Variants in MAPK4 observed in about 807,000 individuals in gnomAD.
MAPK4 encodes the protein Erk3-related.
Under a neutral mutation model 47.7 loss-of-function variants are expected in MAPK4, and 22 were observed. That is an observed-to-expected ratio of 0.46 (90% confidence interval 0.33 to 0.66). The LOEUF is 0.66. MAPK4 is among the 30% of genes least tolerant of loss of function. MAPK4 has a pLI of 0.02. For synonymous variants in MAPK4, 390 were observed against 365.7 expected (o/e 1.07, Z -0.76); for missense variants, 736 against 831.7 (o/e 0.88, Z 1.42).
chr18:50,671,327 A>G (rs1262741218), intron 2 of MAPK4, among the ~76,000 whole-genome samples: 1 of 152,240 alleles, frequency 6.6e-6, no homozygotes, highest in African/African-American at 2.4e-5. Context: ...TTTAACAATT[A>G]GGTGATACGA....
chr18:50,563,831 T>C (rs1037507997), intron 1 of MAPK4, among the ~76,000 whole-genome samples: 1 of 152,200 alleles, frequency 6.6e-6, no homozygotes, highest in African/African-American at 2.4e-5. Context: ...GTATGCAAAC[T>C]GGTCTCAGGG....
chr18:50,579,613 G>A (rs183912278), intron 1 of MAPK4, among the ~76,000 whole-genome samples: 18 of 152,238 alleles, frequency 1.2e-4, no homozygotes, highest in Non-Finnish European at 2.4e-4. Context: ...TAAAAGCCCT[G>A]AGTCATAGCC....
chr18:50,665,140 C>T (rs759255056), intron 2 of MAPK4, among the ~76,000 whole-genome samples: 9 of 152,208 alleles, frequency 5.9e-5, no homozygotes, highest in African/African-American at 1.7e-4. Flanking sequence ...TGCGATTCCC[C>T]GTGGTGGGTG....
chr18:50,628,699 C>G (rs1195193071), intron 1 of MAPK4, among the ~76,000 whole-genome samples: 2 of 152,230 alleles, frequency 1.3e-5, no homozygotes, highest in Non-Finnish European at 2.9e-5. Context: ...GAGCCAGGAT[C>G]TTCTGATAGC....
intron 1 of MAPK4, among the ~76,000 whole-genome samples, chr18:50,645,222 T>C (rs2042977647): frequency 6.6e-6 from 1 of 152,056 alleles, no homozygotes; most frequent in South Asian, 2.1e-4. Context: ...ATAGGAGAGA[T>C]GAATGCCAAT....
rs187433985 is a variant in MAPK4, at chr18:50,576,555, G to A, written c.-871+16312G>A. ...AGGTTCTATGCTTATTATGTGGGTG[G>A]CAAAATAATCTGTACACCAAACTTC... On this transcript the variant is annotated intron_variant, in intron 1 of 5. Transcript: ENST00000400384. Among the ~76,000 whole-genome samples the A allele has an allele frequency of 2.0e-5, 3 of 152,188 alleles. No homozygotes were observed. In the East Asian group the frequency reaches 5.8e-4, roughly 29 times the overall value.
At chr18:50,591,888 G>A (rs188167240) in intron 1 of MAPK4, among the ~76,000 whole-genome samples, 81 of 152,188 alleles carry the variant, frequency 5.3e-4, no homozygotes, top group African/African-American at 1.8e-3. Context: ...AGGGCCCGCC[G>A]GGTTCATCAT....
intron 1 of MAPK4, among the ~76,000 whole-genome samples, chr18:50,569,836 G>T (rs2042234434): frequency 6.6e-6 from 1 of 152,202 alleles, no homozygotes. Context: ...CCGTCAATAC[G>T]CTGCTCAGCT....
intron 4 of MAPK4, 143 bp downstream of exon 4, chr18:50,722,242 G>T: frequency 1.1e-6 from 1 of 921,954 alleles, no homozygotes; most frequent in African/African-American, 1.7e-5. Flanking sequence ...CTGCCAGTGG[G>T]CCTTTGCCCT....
At chr18:50,673,559 G>C (rs1190613779) in intron 2 of MAPK4, among the ~76,000 whole-genome samples, 3 of 152,066 alleles carry the variant, frequency 2.0e-5, no homozygotes, top group Admixed American at 6.5e-5. Flanking sequence ...TTCCCTGGGT[G>C]TAAAATGCTG....
At chr18:50,561,100 A>G (rs868191458) in intron 1 of MAPK4, among the ~76,000 whole-genome samples, 16 of 152,330 alleles carry the variant, frequency 1.1e-4, no homozygotes, top group African/African-American at 3.8e-4. Flanking sequence ...TGGGGAATGG[A>G]TTCCGATCGC....
rs140886242 is a variant in MAPK4, at chr18:50,675,680, C to T, written c.546+11176C>T. On this transcript the variant is annotated intron_variant, in intron 2 of 5. Coordinates refer to ENST00000400384, the MANE Select transcript of MAPK4 (RefSeq NM_002747.4). ...CTAATTTTTATATTTTTAGTAGAGG[C>T]GGGGTTTCATCATGTTGGCCAGGAT... Among the ~76,000 whole-genome samples, 1,126 of 152,132 alleles carry T rather than the reference C, an allele frequency of 7.4e-3. 17 individuals carry two copies. Among genetic ancestry groups the T allele is most frequent in the African/African-American group, 0.026 (1,087 of 41,514 alleles).
intron 1 of MAPK4, among the ~76,000 whole-genome samples, chr18:50,650,927 G>A (rs760029557): frequency 7.2e-5 from 11 of 152,182 alleles, no homozygotes; most frequent in Admixed American, 1.3e-4. Flanking sequence ...CTCACCTGAC[G>A]TAGGATGCCC....
intron 5 of MAPK4, among the ~76,000 whole-genome samples, chr18:50,727,882 A>C (rs1241434264): frequency 6.6e-6 from 1 of 152,202 alleles, no homozygotes; most frequent in Non-Finnish European, 1.5e-5. Flanking sequence ...TGCTATGAAG[A>C]CTACAGATAA....
intron 1 of MAPK4, among the ~76,000 whole-genome samples, chr18:50,589,459 G>A (rs940682316): frequency 6.6e-6 from 1 of 152,162 alleles, no homozygotes; most frequent in Admixed American, 6.5e-5. Context: ...AGCCGAGCGT[G>A]GTGGCGGGCG....
chr18:50,566,375 T>C (rs375476395), intron 1 of MAPK4, among the ~76,000 whole-genome samples: 1 of 152,154 alleles, frequency 6.6e-6, no homozygotes, highest in Non-Finnish European at 1.5e-5. Flanking sequence ...CATTGAATAA[T>C]TGGAGAAACT....
intron 1 of MAPK4, among the ~76,000 whole-genome samples, chr18:50,642,970 G>T (rs2042953749): frequency 1.3e-5 from 2 of 152,234 alleles, no homozygotes; most frequent in Non-Finnish European, 2.9e-5. Context: ...TATCCTTTTG[G>T]TGCTTTATTC....
rs532958519 is a variant in MAPK4, at chr18:50,666,030, A to G, written c.546+1526A>G. ...ACTTGGTAAAAAACCTAGAAAATCCACAAGACTCTTATATGTGGGATGCAC... is the reference window on the plus strand; with the variant it reads ...ACTTGGTAAAAAACCTAGAAAATCCGCAAGACTCTTATATGTGGGATGCAC... On this transcript the variant is annotated intron_variant, in intron 2 of 5. Coordinates refer to ENST00000400384, the MANE Select transcript of MAPK4 (RefSeq NM_002747.4). 2.0e-5 allele frequency among the ~76,000 whole-genome samples: 3 copies of G among 152,346 alleles called. No individual in the cohort carries two copies. The South Asian group carries it at 6.2e-4, about 32-fold the overall frequency.
At chr18:50,698,772 G>A (rs1598925948) in intron 2 of MAPK4, among the ~76,000 whole-genome samples, 2 of 152,214 alleles carry the variant, frequency 1.3e-5, no homozygotes, top group African/African-American at 4.8e-5. Context: ...GCTCACACCT[G>A]TAATCCCAGC....
Sources: allele counts gnomAD v4.1 joint callset (sites outside exome capture counted in the v4.1 genomes callset), GRCh38; gene constraint gnomAD v4.1.1; transcripts MANE v1.5; gene names NCBI Gene and HGNC (gene_info 2026-07-23, HGNC 2026-07-21).